The following B4GALNT3 variants were observed in gnomAD, a reference collection of about 807,000 sequenced individuals.
The protein encoded by B4GALNT3 is beta-1,4-N-acetylgalactosaminyltransferase 3.
B4GALNT3 carries 86 observed loss-of-function variants against 120.2 expected under a neutral mutation model. The observed-to-expected ratio is 0.72, with a 90% CI of 0.60 to 0.86. The LOEUF is 0.86. B4GALNT3 is among the 40% of genes least tolerant of loss of function. The pLI, the probability that B4GALNT3 is intolerant of heterozygous loss-of-function variation, is 0.00. For missense variants in B4GALNT3, 1,167 were observed against 1,298.9 expected, an observed-to-expected ratio of 0.90 and a Z score of 1.56; for synonymous variants, 518 against 510.4, an observed-to-expected ratio of 1.01 and a Z score of -0.20.
intron 1 of B4GALNT3, among the ~76,000 whole-genome samples, chr12:519,449 T>G (rs1374876537): frequency 6.6e-6 from 1 of 152,152 alleles, no homozygotes; most frequent in African/African-American, 2.4e-5. Context: ...ATCATGCAGG[T>G]AAAATGAGAG....
intron 1 of B4GALNT3, among the ~76,000 whole-genome samples, chr12:524,270 A>G (rs1485898978): frequency 1.3e-5 from 2 of 152,182 alleles, no homozygotes; most frequent in Non-Finnish European, 2.9e-5. Flanking sequence ...CCTATTTATC[A>G]CTACCAAGGA....
At chr12:527,643 C>T (rs75366631) in intron 1 of B4GALNT3, among the ~76,000 whole-genome samples, 3 of 59,526 alleles carry the variant, frequency 5.0e-5, no homozygotes. Context: ...TCCTCACTTG[C>T]CCCCCCACCA....
chr12:496,158 C>T (rs906831864), intron 1 of B4GALNT3, among the ~76,000 whole-genome samples: 3 of 152,100 alleles, frequency 2.0e-5, no homozygotes, highest in Admixed American at 6.5e-5. Context: ...CTGTGGAATT[C>T]GCGAACAAAT....
At chr12:507,996 C>A (rs1245999085) in intron 1 of B4GALNT3, among the ~76,000 whole-genome samples, 1 of 152,156 alleles carries the variant, frequency 6.6e-6, no homozygotes, top group African/African-American at 2.4e-5. Context: ...GGACACCTGT[C>A]AGGAGTGCTT....
Position 499,651 on chromosome 12 carries a change from C to T in B4GALNT3, c.170-35515C>T, listed in dbSNP as rs531955375. On this transcript the variant is annotated intron_variant, in intron 1 of 19. Transcript: ENST00000266383. ...TAGAACACTCCTAGCCCGTGGAGCC[C>T]GTGCTCTCACTATCTACTAGCCCGT... 4.3e-5 allele frequency among the ~76,000 whole-genome samples: 6 copies of T among 139,256 alleles called. No homozygotes were observed. The South Asian group carries it at 1.3e-3, about 30-fold the overall frequency. The allele number at this position is 139,256 out of a possible 152,430, so 91.4% of individuals were successfully genotyped here. A position where few individuals can be genotyped will look rare whatever the true frequency, so the allele number is the denominator to read the frequency against.
At chr12:500,604 T>G (rs935770124) in intron 1 of B4GALNT3, among the ~76,000 whole-genome samples, 1 of 152,122 alleles carries the variant, frequency 6.6e-6, no homozygotes, top group Non-Finnish European at 1.5e-5. Flanking sequence ...ATTCCACTTA[T>G]GCTGAAATAC....
intron 1 of B4GALNT3, among the ~76,000 whole-genome samples, chr12:464,023 C>T (rs1027585689): frequency 6.6e-6 from 1 of 152,180 alleles, no homozygotes; most frequent in African/African-American, 2.4e-5. Flanking sequence ...GGTTCTGGAA[C>T]AGGGTCCTGA....
intron 18 of B4GALNT3, 105 bp from the exon 19 acceptor site, chr12:559,190 G>A: frequency 6.7e-7 from 1 of 1,482,924 alleles, no homozygotes; most frequent in Non-Finnish European, 9.3e-7. Context: ...CTCAACCCCA[G>A]CCTCTGACTT....
intron 1 of B4GALNT3, among the ~76,000 whole-genome samples, chr12:486,906 A>G (rs946203200): frequency 2.0e-5 from 3 of 152,202 alleles, no homozygotes; most frequent in Admixed American, 6.5e-5. Context: ...TTTTTAAACT[A>G]TGATGATTAA....
At chr12:542,717 A>G (rs1303712593) in intron 3 of B4GALNT3, among the ~76,000 whole-genome samples, 1 of 152,188 alleles carries the variant, frequency 6.6e-6, no homozygotes, top group South Asian at 2.1e-4. Context: ...CAGGGCCTCC[A>G]AGCCCAGTCC....
At chr12:547,339 T>G (rs775235953) in intron 7 of B4GALNT3, among the ~76,000 whole-genome samples, 2 of 152,120 alleles carry the variant, frequency 1.3e-5, no homozygotes, top group Non-Finnish European at 2.9e-5. Context: ...AGAAAAAGAT[T>G]TGGAATATTC....
chr12:460,402 C>A lies in B4GALNT3; in HGVS notation c.26C>A (p.Pro9His). MGSPRAAR[P>H]PLLLRPVKLL... The stretch of plus-strand genomic sequence containing the variant: ...ATGGGGAGCCCCCGGGCCGCGCGGC[C>A]CCCGCTGCTCCTGCGCCCGGTGAAG... Residue 9 changes from proline to histidine, a missense_variant, in exon 1 of 20, where the codon CCC becomes CAC. Around this residue, in one of 3 missense-constraint regions of B4GALNT3, gnomAD observed 171 missense variants for 161.3 expected, o/e 1.06. Transcript: ENST00000266383. The surrounding 1 kb of genome is among the most constrained non-coding windows in gnomAD (Gnocchi z 8.0). The A allele has an allele frequency of 2.0e-6, 3 of 1,498,524 alleles. No individual in the cohort carries two copies. The highest frequency in any genetic ancestry group is 2.7e-6 in the Non-Finnish European group (3 of 1,126,130). The allele number at this position is 1,498,524 out of a possible 1,614,324, so 92.8% of individuals were successfully genotyped here. A position where few individuals can be genotyped will look rare whatever the true frequency, so the allele number is the denominator to read the frequency against.
chr12:540,162 C>T (rs1487322045), intron 3 of B4GALNT3, among the ~76,000 whole-genome samples: 1 of 152,220 alleles, frequency 6.6e-6, no homozygotes, highest in Non-Finnish European at 1.5e-5. Context: ...GATGGGCTTC[C>T]GAGTGCTCCT....
chr12:535,132 C>T, intron 1 of B4GALNT3, 34 bp from the exon 2 acceptor site: 1 of 1,576,494 alleles, frequency 6.3e-7, no homozygotes, highest in East Asian at 2.3e-5. Flanking sequence ...CCAGGTTACG[C>T]TGACCTGAGG....
rs201219195 is a variant in B4GALNT3, at chr12:521,777, G to A, written c.170-13389G>A. Among the ~76,000 whole-genome samples, 15 of 152,172 alleles carry A rather than the reference G, an allele frequency of 9.9e-5. No homozygotes were observed. The East Asian group carries it at 2.7e-3, about 27-fold the overall frequency. ...CGTGCTCGCTCTAAGTTCCTGTACC[G>A]GCCTCACTGAGGACAGGCAACCAAC... On this transcript the variant is annotated intron_variant, in intron 1 of 19. Coordinates refer to ENST00000266383, the MANE Select transcript of B4GALNT3 (RefSeq NM_173593.4).
At position 544,425 on chromosome 12, in the gene B4GALNT3, G is replaced by T. The variant is rs769493394; in HGVS notation, c.438G>T (p.Leu146=). 2.7e-5 allele frequency: 44 copies of T among 1,613,656 alleles called. No individual in the cohort carries two copies. Among genetic ancestry groups the T allele is most frequent in the Non-Finnish European group, 3.5e-5 (41 of 1,179,824 alleles). Residue 146 remains leucine, a synonymous_variant, in exon 4 of 20, where the codon CTG becomes CTT. Transcript: ENST00000266383. The part of the protein sequence containing the change: ...QQLRRNLHFP[L]YPHIRTTLRK... ...TCAGGAGGAACCTGCATTTCCCACTGTACCCCCATGTGAGTGCCTGAGGGC... is the reference window on the plus strand; with the variant it reads ...TCAGGAGGAACCTGCATTTCCCACTTTACCCCCATGTGAGTGCCTGAGGGC...
chr12:552,973 A>G (rs1019694899), intron 13 of B4GALNT3: 3 of 623,648 alleles, frequency 4.8e-6, no homozygotes, highest in Non-Finnish European at 8.2e-6. Context: ...TCACAAACCC[A>G]TGAGAGATGC....
At chr12:555,142 C>T in intron 14 of B4GALNT3, 1 of 305,350 alleles carries the variant, frequency 3.3e-6, no homozygotes, top group Non-Finnish European at 6.5e-6. Context: ...CGCACCATTG[C>T]ACTCCAGCCT....
In B4GALNT3 at chr12:460,923, C is replaced by T. The variant is rs1176801711; in HGVS notation, c.169+378C>T. On this transcript the variant is annotated intron_variant, in intron 1 of 19. Coordinates refer to ENST00000266383, the MANE Select transcript of B4GALNT3 (RefSeq NM_173593.4). This position sits in a 1 kb window ranked among gnomAD's most constrained non-coding sequence, Gnocchi z 8.0. ...CCGGGGAGGAGGTCCGTGGGGTCCA[C>T]GCGCGAGCTAGGGATTCGGGTGCGG... Among the ~76,000 whole-genome samples, 2 of 152,148 alleles carry T rather than the reference C, an allele frequency of 1.3e-5. No homozygotes were observed. Among genetic ancestry groups the T allele is most frequent in the Non-Finnish European group, 2.9e-5 (2 of 68,016 alleles).
Sources: allele counts gnomAD v4.1 joint callset (sites outside exome capture counted in the v4.1 genomes callset), GRCh38; gene constraint gnomAD v4.1.1; regional missense constraint gnomAD v4.1.1; non-coding constraint Gnocchi (gnomAD v3.1); transcripts MANE v1.5; gene names NCBI Gene and HGNC (gene_info 2026-07-23, HGNC 2026-07-21).